The following DPH6 variants were observed in gnomAD, a reference collection of about 807,000 sequenced individuals.
DPH6 encodes diphthamine biosynthesis 6.
In DPH6, 33 loss-of-function variants were observed where a neutral mutation model predicts 38.2. The ratio of observed to expected loss-of-function variants is 0.86; its 90% CI spans 0.65 to 1.15. DPH6 has a LOEUF of 1.15. Ranked by LOEUF, DPH6 falls within the 50% of genes most tolerant of loss-of-function variation. The probability of loss-of-function intolerance (pLI) is 0.00; values close to 1 mark genes in which losing one functional copy is unlikely to be tolerated. For missense variants in DPH6, 325 were observed against 320.0 expected (o/e 1.02, Z -0.12); for synonymous variants, 108 against 103.0 (o/e 1.05, Z -0.30).
chr15:35,402,996 A>G (rs557319641), intron 6 of DPH6, among the ~76,000 whole-genome samples: 1 of 152,232 alleles, frequency 6.6e-6, no homozygotes, highest in South Asian at 2.1e-4. Flanking sequence ...CCATTAATTA[A>G]TGTCTTTTCA....
rs374897039 is a variant in DPH6, at chr15:35,301,838, G to A, written n.200+71683C>T. ...AAATATAAAAAATTAGCTGGGTGTG[G>A]TGGCATGTGCCTGTAATCCCAGCCA... On this transcript the variant is annotated intron_variant and non_coding_transcript_variant, in intron 3 of 3. Transcript: ENST00000560386. Among the ~76,000 whole-genome samples, 7 of 152,080 alleles carry A rather than the reference G, an allele frequency of 4.6e-5. No individual in the cohort carries two copies. The South Asian group carries it at 8.3e-4, about 18-fold the overall frequency.
At position 35,450,693 on chromosome 15, in the gene DPH6, G is replaced by C. The variant is rs2141079679; in HGVS notation, c.497C>G (p.Ala166Gly). 6.2e-7 allele frequency: 1 copy of C among 1,612,456 alleles called. No individual in the cohort carries two copies. The highest frequency in any genetic ancestry group is 1.3e-5 in the African/African-American group (1 of 74,952). Residue 166 changes from alanine to glycine, a missense_variant, in exon 5 of 9, where the codon GCA (alanine) becomes GGA (glycine). Physicochemically the swap from Ala to Gly is moderately conservative, Grantham distance 60. Transcript: ENST00000256538. ...ATAGTTTGGCTGCATACCCAAAGCT[G>C]CTACTTTGATGATCATTGCTTGAAT... ...SNIQAMIIKVAALGLDPDKHL... is the reference protein window; with the variant it reads ...SNIQAMIIKVGALGLDPDKHL...
intron 3 of DPH6, among the ~76,000 whole-genome samples, chr15:35,456,882 A>G (rs1272270390): frequency 1.3e-5 from 2 of 152,122 alleles, no homozygotes; most frequent in Admixed American, 6.5e-5. Flanking sequence ...CAACCCTAAA[A>G]CAATTTCTTC....
the DPH6 span, among the ~76,000 whole-genome samples, chr15:35,158,312 A>G: frequency 2.6e-5 from 4 of 152,082 alleles, no homozygotes; most frequent in Admixed American, 6.6e-5. Context: ...CATTTGGGGG[A>G]GAAGGTATCA....
intron 3 of DPH6, among the ~76,000 whole-genome samples, chr15:35,267,943 G>A (rs768503739): frequency 1.3e-5 from 2 of 152,094 alleles, no homozygotes; most frequent in Non-Finnish European, 2.9e-5. Flanking sequence ...GGCCGAGGCC[G>A]GCAGATCATG....
the DPH6 span, among the ~76,000 whole-genome samples, chr15:35,178,280 G>T: frequency 6.6e-6 from 1 of 152,174 alleles, no homozygotes; most frequent in Admixed American, 6.6e-5. Context: ...CTGAGAGTGG[G>T]TAATTTATAA....
chr15:35,189,821 C>G, the DPH6 span, among the ~76,000 whole-genome samples: 12 of 152,002 alleles, frequency 7.9e-5, no homozygotes, highest in Non-Finnish European at 7.4e-5. Context: ...TCCTTTTTAC[C>G]GGGGGCTGCA....
At chr15:35,250,193 A>C (rs1330826411) in intron 3 of DPH6, among the ~76,000 whole-genome samples, 3 of 151,412 alleles carry the variant, frequency 2.0e-5, no homozygotes, top group South Asian at 2.1e-4. Context: ...AACCAAAAAA[A>C]CAAAAAACAA....
At chr15:35,423,227 G>T (rs1274052065) in intron 5 of DPH6, among the ~76,000 whole-genome samples, 6 of 151,312 alleles carry the variant, frequency 4.0e-5, no homozygotes. Context: ...TCACTTTTCT[G>T]ATACTCATTC....
chr15:35,330,771 TA>T (rs1432717839), downstream of DPH6: 1 of 152,170 alleles, frequency 6.6e-6, no homozygotes, highest in African/African-American at 2.4e-5. Context: ...AATTTCTAAA[TA>T]AATACATATT....
chr15:35,535,731 C>T (rs1182505872), intron 3 of DPH6, among the ~76,000 whole-genome samples: 1 of 152,088 alleles, frequency 6.6e-6, no homozygotes, highest in Non-Finnish European at 1.5e-5. Context: ...CATGAAAAAT[C>T]TTTCGCAAAC....
At chr15:35,544,102 AAGT>A (rs1466950089) in intron 1 of DPH6, among the ~76,000 whole-genome samples, 1 of 152,174 alleles carries the variant, frequency 6.6e-6, no homozygotes, top group Non-Finnish European at 1.5e-5. Flanking sequence ...GAACTCCATT[AAGT>A]ACACATGTAT....
intron 3 of DPH6, among the ~76,000 whole-genome samples, chr15:35,259,014 G>A (rs2051725967): frequency 6.6e-6 from 1 of 151,964 alleles, no homozygotes; most frequent in African/African-American, 2.4e-5. Flanking sequence ...GTGCGTGGTG[G>A]TGTGCACCTG....
At chr15:35,509,164 C>A (rs1452212482) in intron 3 of DPH6, among the ~76,000 whole-genome samples, 1 of 152,118 alleles carries the variant, frequency 6.6e-6, no homozygotes, top group Non-Finnish European at 1.5e-5. Flanking sequence ...TTACAAGAAA[C>A]AGATTTATGA....
chr15:35,271,224 T>G (rs1405588718), intron 3 of DPH6, among the ~76,000 whole-genome samples: 1 of 151,968 alleles, frequency 6.6e-6, no homozygotes, highest in Admixed American at 6.6e-5. Flanking sequence ...AAAGAAGGGT[T>G]AAATAAAAGG....
At chr15:35,504,332 C>T (rs1216237350) in intron 3 of DPH6, among the ~76,000 whole-genome samples, 2 of 151,916 alleles carry the variant, frequency 1.3e-5, no homozygotes, top group East Asian at 3.9e-4. Context: ...TGTTTTGTCC[C>T]ATCAATATAT....
At chr15:35,227,399 G>A (rs1433218031) in intron 3 of DPH6, among the ~76,000 whole-genome samples, 1 of 151,550 alleles carries the variant, frequency 6.6e-6, no homozygotes, top group East Asian at 1.9e-4. Context: ...TAGCCAGGAT[G>A]GTCTCAACCT....
chr15:35,363,979 G>A (rs574487430), intron 3 of DPH6, among the ~76,000 whole-genome samples: 5 of 151,754 alleles, frequency 3.3e-5, no homozygotes, highest in East Asian at 1.9e-4. Flanking sequence ...TTTTAAACTC[G>A]GAGACATCAT....
At chr15:35,358,111 T>C (rs1271617233) in intron 3 of DPH6, among the ~76,000 whole-genome samples, 1 of 152,218 alleles carries the variant, frequency 6.6e-6, no homozygotes, top group East Asian at 1.9e-4. Context: ...CTTTGTTGGA[T>C]TGGTTGAATA....
Sources: gnomAD v4.1 joint callset for allele counts (sites outside exome capture counted in the v4.1 genomes callset) on GRCh38, gnomAD v4.1.1 for gene constraint, MANE v1.5 for transcripts, NCBI Gene and HGNC (gene_info 2026-07-23, HGNC 2026-07-21) for gene names.